Variants in IGLL1 observed in about 807,000 individuals in gnomAD.
IGLL1 encodes immunoglobulin lambda like polypeptide 1, also known as immunoglobulin lambda-like polypeptide 1.
A neutral mutation model predicts 10.5 loss-of-function variants in IGLL1; 10 were observed. That is an observed-to-expected ratio of 0.95 (90% CI 0.59 to 1.62). The LOEUF is 1.62. Among genes scored for constraint, IGLL1 ranks in the 40% most tolerant of loss-of-function variants. The pLI is 0.00. For synonymous variants in IGLL1, 141 were observed against 122.7 expected (o/e 1.15, Z -0.99); for missense variants, 284 against 278.7 (o/e 1.02, Z -0.14).
Position 23,580,265 on chromosome 22 carries a change from C to G in IGLL1, c.-75G>C. ...CCTAGAGAGTGGTGCCCTGGTCCCT[C>G]TCGCTGGCAGCAGCTGTCCCATTGC... On this transcript the variant is annotated 5_prime_UTR_variant, in exon 1 of 3. Transcript: ENST00000330377. 1 of 1,530,134 alleles carries G rather than the reference C, an allele frequency of 6.5e-7. No homozygotes were observed. 94.8% of individuals were successfully genotyped at this position (1,530,134 alleles called of 1,614,324 possible).
rs377678203 is a variant in IGLL1, at chr22:23,573,470, C to G, written c.438G>C (p.Thr146=). 6.8e-6 allele frequency: 11 copies of G among 1,613,938 alleles called. No homozygotes were observed. In the South Asian group the frequency reaches 1.1e-4, roughly 16 times the overall value. The part of the protein sequence containing the change: ...LMNDFYPGIL[T]VTWKADGTPI... ...GGGTACCATCTGCCTTCCAGGTCACCGTCAAGATTCCCGGATAAAAGTCAT... is the reference window on the plus strand; with the variant it reads ...GGGTACCATCTGCCTTCCAGGTCACGGTCAAGATTCCCGGATAAAAGTCAT... The change falls in exon 3 of 3, where the codon ACG becomes ACC. Residue 146 remains threonine (T), a synonymous_variant. Transcript: ENST00000330377.
Position 23,573,454 on chromosome 22 carries a change from C to A in IGLL1, c.454G>T (p.Asp152Tyr). Residue 152 changes from aspartate (D) to tyrosine (Y), a missense_variant, in exon 3 of 3, where the codon GAT becomes TAT. Coordinates refer to ENST00000330377, the MANE Select transcript of IGLL1 (RefSeq NM_020070.4). ...ACGCCCTGGGTGATGGGGGTACCAT[C>A]TGCCTTCCAGGTCACCGTCAAGATT... Reference protein sequence around the residue: ...PGILTVTWKADGTPITQGVEM... With the variant: ...PGILTVTWKAYGTPITQGVEM... 2 of 1,613,972 alleles carry A rather than the reference C, an allele frequency of 1.2e-6. No homozygotes were observed. The highest frequency in any genetic ancestry group is 2.2e-5 in the South Asian group (2 of 91,078).
At position 23,575,000 on chromosome 22, in the gene IGLL1, C is replaced by T. The variant is rs760395366; in HGVS notation, c.289G>A (p.Val97Met). 3 of 1,614,042 alleles carry T rather than the reference C, an allele frequency of 1.9e-6. No homozygotes were observed. Among genetic ancestry groups the T allele is most frequent in the Non-Finnish European group, 2.5e-6 (3 of 1,179,924 alleles). Residue 97 changes from valine (V) to methionine (M), a missense_variant, in exon 2 of 3, where the codon GTG becomes ATG. Physicochemically the swap from Val to Met is conservative, Grantham distance 21 (BLOSUM62 1). Coordinates refer to ENST00000330377, the MANE Select transcript of IGLL1 (RefSeq NM_020070.4). ...GTGAGCTGGGTCCCGCTGCCAAACA[C>T]ATGCGTCACTGAGTTATGCTTGGAT... The part of the protein sequence containing the change: ...FQSKHNSVTH[V>M]FGSGTQLTVL...
At chr22:23,575,521 CT>C (rs1351379205) in intron 1 of IGLL1, among the ~76,000 whole-genome samples, 2 of 152,330 alleles carry the variant, frequency 1.3e-5, no homozygotes, top group East Asian at 3.9e-4. Flanking sequence ...CTCAGTCTCA[CT>C]TTGTTCATGA....
intron 1 of IGLL1, among the ~76,000 whole-genome samples, chr22:23,577,753 C>T (rs1001604188): frequency 6.6e-6 from 1 of 152,022 alleles, no homozygotes; most frequent in Admixed American, 6.6e-5. Flanking sequence ...TCAGGCTGAT[C>T]TCAAACTCCT....
rs199718215 is a variant in IGLL1, at chr22:23,573,388, C to A, written c.520G>T (p.Ala174Ser). The A allele has an allele frequency of 9.9e-6, 16 of 1,613,278 alleles. No individual in the cohort carries two copies. Among genetic ancestry groups the A allele is most frequent in the Middle Eastern group, 1.6e-4 (1 of 6,076 alleles). The part of the protein sequence containing the change: ...TPSKQSNNKY[A>S]ASSYLSLTPE... The stretch of plus-strand genomic sequence containing the variant: ...GTCAGGCTCAGGTAGCTGCTGGCCG[C>A]GTACTTGTTGTTGCTCTGTTTGGAG... The change falls in exon 3 of 3, where the codon GCG (alanine) becomes TCG (serine). Residue 174 changes from alanine to serine, a missense_variant. Physicochemically the swap from Ala to Ser is moderately conservative, Grantham distance 99. Transcript: ENST00000330377.
intron 1 of IGLL1, among the ~76,000 whole-genome samples, chr22:23,579,244 A>G (rs769252593): frequency 3.3e-5 from 5 of 151,762 alleles, no homozygotes; most frequent in African/African-American, 7.3e-5. Flanking sequence ...TATAACATGC[A>G]CCAGTGAACA....
chr22:23,573,644 GC>G, intron 2 of IGLL1, 59 bp from the exon 3 acceptor site: 1 of 1,329,720 alleles, frequency 7.5e-7, no homozygotes, highest in Non-Finnish European at 1.1e-6. Context: ...GTTGTGGAGC[GC>G]CTCTCTCTGT....
intron 1 of IGLL1, among the ~76,000 whole-genome samples, chr22:23,579,193 G>A (rs1405227464): frequency 7.9e-5 from 12 of 152,004 alleles, no homozygotes; most frequent in African/African-American, 2.2e-4. Context: ...TGGGGCCACC[G>A]AGAGGGAGGT....
chr22:23,575,735 C>G (rs1387041347), intron 1 of IGLL1, among the ~76,000 whole-genome samples: 1 of 152,226 alleles, frequency 6.6e-6, no homozygotes, highest in African/African-American at 2.4e-5. Context: ...CCCCCAGGCT[C>G]TCACCCCCAT....
chr22:23,573,599 G>C lies in IGLL1; in HGVS notation c.323-14C>G, dbSNP rs1247244979. The C allele has an allele frequency of 6.2e-7, 1 of 1,603,800 alleles. No individual in the cohort carries two copies. The highest frequency in any genetic ancestry group is 1.7e-5 in the Admixed American group (1 of 59,988). On this transcript the variant is annotated splice_polypyrimidine_tract_variant and intron_variant, in intron 2 of 2. Coordinates refer to ENST00000330377, the MANE Select transcript of IGLL1 (RefSeq NM_020070.4). ...CCTTGGGCTGACCTGTGTGGACAGA[G>C]GAGGGGGTGAGAGATGGCAGAGGGA...
chr22:23,578,781 T>C (rs1219429688), intron 1 of IGLL1, among the ~76,000 whole-genome samples: 1 of 152,022 alleles, frequency 6.6e-6, no homozygotes, highest in South Asian at 2.1e-4. Flanking sequence ...ATGGTGAAAC[T>C]CTGTCTTTAC....
In IGLL1 at chr22:23,573,573, G is replaced by A; in HGVS notation, c.335C>T (p.Ala112Val). 2 of 1,613,742 alleles carry A rather than the reference G, an allele frequency of 1.2e-6. No homozygotes were observed. The highest frequency in any genetic ancestry group is 1.7e-6 in the Non-Finnish European group (2 of 1,179,720). The change falls in exon 3 of 3, where the codon GCC becomes GTC. Residue 112 changes from alanine to valine, a missense_variant. Transcript: ENST00000330377. ...CGGGAACAGAGTGACCGAGGGGGTG[G>A]CCTTGGGCTGACCTGTGTGGACAGA... ...TQLTVLSQPK[A>V]TPSVTLFPPS...
chr22:23,577,014 G>A (rs1162421728), intron 1 of IGLL1, among the ~76,000 whole-genome samples: 1 of 152,050 alleles, frequency 6.6e-6, no homozygotes, highest in Non-Finnish European at 1.5e-5. Flanking sequence ...TTTGTGTCTG[G>A]CTTATTTCAC....
chr22:23,575,900 CT>C (rs148012021), intron 1 of IGLL1, among the ~76,000 whole-genome samples: 15,577 of 152,184 alleles, frequency 0.1, 1,015 homozygotes, highest in East Asian at 0.21. Context: ...TCCTCTTCCC[CT>C]GGCATCTGTT....
At chr22:23,579,789 T>A (rs1925245879) in intron 1 of IGLL1, among the ~76,000 whole-genome samples, 196 bp downstream of exon 1, 2 of 152,168 alleles carry the variant, frequency 1.3e-5, no homozygotes, top group African/African-American at 2.4e-5. Flanking sequence ...ATAAATAATA[T>A]TTTAATATGA....
Position 23,573,250 on chromosome 22 carries a change from G to T in IGLL1, c.*16C>A. On this transcript the variant is annotated 3_prime_UTR_variant, in exon 3 of 3. Transcript: ENST00000330377. ...TGCAGCTCCAGGCCCCTTTGGGTGGGGTCGGGGCTGGGAACCTATGAACAT... is the reference window on the plus strand; with the variant it reads ...TGCAGCTCCAGGCCCCTTTGGGTGGTGTCGGGGCTGGGAACCTATGAACAT... The T allele has an allele frequency of 1.2e-6, 2 of 1,612,406 alleles. No homozygotes were observed. The highest frequency in any genetic ancestry group is 1.7e-6 in the Non-Finnish European group (2 of 1,178,606).
chr22:23,574,184 C>T (rs2003755), intron 2 of IGLL1, among the ~76,000 whole-genome samples: 3,650 of 147,778 alleles, frequency 0.025, 284 homozygotes, highest in African/African-American at 0.073. Context: ...CCATGCCCAC[C>T]CCAGCAGCCT....
rs772891933 is a variant in IGLL1, at chr22:23,575,102, C to T, written c.207-20G>A. 3.9e-6 allele frequency: 6 copies of T among 1,557,424 alleles called. No homozygotes were observed. Among genetic ancestry groups the T allele is most frequent in the Non-Finnish European group, 5.3e-6 (6 of 1,128,344 alleles). On this transcript the variant is annotated intron_variant, in intron 1 of 2. Transcript: ENST00000330377. The stretch of plus-strand genomic sequence containing the variant: ...AGGAACCTGCTGGGAGTGAGGGGCA[C>T]AGGGCTGCAGTGTGTAGGCTGTGAC...
Sources: allele counts gnomAD v4.1 joint callset (sites outside exome capture counted in the v4.1 genomes callset), GRCh38; gene constraint gnomAD v4.1.1; transcripts MANE v1.5; gene names NCBI Gene and HGNC (gene_info 2026-07-23, HGNC 2026-07-21).